Variants in CDK15 observed in about 807,000 individuals in gnomAD.
CDK15 encodes cyclin-dependent kinase 15.
CDK15 carries 62 observed loss-of-function variants against 60.3 expected under a neutral mutation model. The ratio of observed to expected loss-of-function variants is 1.03; its 90% CI spans 0.84 to 1.27. The LOEUF (loss-of-function observed/expected upper bound fraction) is 1.27, where lower values mean the gene tolerates loss of function less well. Ranked by LOEUF, CDK15 falls within the 50% of genes most tolerant of loss-of-function variation. The pLI is 0.00. For missense variants in CDK15, 541 were observed against 527.8 expected (o/e 1.03, Z -0.25); for synonymous variants, 194 against 195.7 (o/e 0.99, Z 0.07).
chr2:201,834,407 C>T (rs1446956577), intron 7 of CDK15, among the ~76,000 whole-genome samples: 2 of 152,166 alleles, frequency 1.3e-5, no homozygotes, highest in East Asian at 3.8e-4. Flanking sequence ...TGCTCTCCTA[C>T]CTTCTTTATA....
chr2:201,835,952 A>T (rs1205220808), intron 8 of CDK15, among the ~76,000 whole-genome samples, 189 bp downstream of exon 8: 2 of 101,212 alleles, frequency 2.0e-5, no homozygotes, highest in East Asian at 1.0e-3. Flanking sequence ...ATATTTATAT[A>T]TATTTGTATA....
At chr2:201,839,368 T>G (rs1285131877) in intron 8 of CDK15, among the ~76,000 whole-genome samples, 1 of 152,294 alleles carries the variant, frequency 6.6e-6, no homozygotes, top group Admixed American at 6.5e-5. Flanking sequence ...ACTGAGGAAC[T>G]GTTCCAGATT....
At chr2:201,891,574 T>TC (rs1013960520) in intron 13 of CDK15, among the ~76,000 whole-genome samples, 5 of 151,966 alleles carry the variant, frequency 3.3e-5, no homozygotes, top group African/African-American at 4.8e-5. Context: ...TCCAGGGTAA[T>TC]CTTGAGGAGG....
intron 8 of CDK15, among the ~76,000 whole-genome samples, chr2:201,838,087 A>T (rs1208206978): frequency 6.6e-6 from 1 of 152,194 alleles, no homozygotes; most frequent in East Asian, 1.9e-4. Flanking sequence ...TCACAGAGTG[A>T]AACTTCTACC....
chr2:201,839,172 G>A (rs1041696581), intron 8 of CDK15, among the ~76,000 whole-genome samples: 3 of 151,984 alleles, frequency 2.0e-5, no homozygotes, highest in Admixed American at 2.0e-4. Context: ...TTTATTTTCT[G>A]TTAGTGAATA....
intron 1 of CDK15, among the ~76,000 whole-genome samples, 200 bp downstream of exon 1, chr2:201,806,987 C>A (rs1325141380): frequency 6.6e-6 from 1 of 151,940 alleles, no homozygotes; most frequent in African/African-American, 2.4e-5. Context: ...AAAAATAATC[C>A]TTGGCTTTGG....
intron 8 of CDK15, among the ~76,000 whole-genome samples, chr2:201,844,661 A>G (rs567780132): frequency 6.6e-5 from 10 of 152,322 alleles, no homozygotes; most frequent in African/African-American, 2.4e-4. Flanking sequence ...ATCAGTAGAA[A>G]AGAAAAAATA....
chr2:201,809,776 C>T (rs1175893453), intron 3 of CDK15, among the ~76,000 whole-genome samples: 1 of 152,148 alleles, frequency 6.6e-6, no homozygotes, highest in Non-Finnish European at 1.5e-5. Flanking sequence ...ATCTCCTTCC[C>T]CTCTCCTGCT....
chr2:201,860,820 T>A (rs771131801), intron 10 of CDK15: 1 of 1,352,192 alleles, frequency 7.4e-7, no homozygotes, highest in Non-Finnish European at 9.8e-7. Context: ...GTTCTAGGAA[T>A]GTCTCATTTT....
chr2:201,889,611 TAAC>T (rs1699573001), intron 12 of CDK15, among the ~76,000 whole-genome samples: 1 of 152,174 alleles, frequency 6.6e-6, no homozygotes, highest in Non-Finnish European at 1.5e-5. Context: ...AGCAAGCACT[TAAC>T]AAACACAGGC....
chr2:201,887,476 T>C (rs1699492707), intron 12 of CDK15, among the ~76,000 whole-genome samples: 1 of 152,214 alleles, frequency 6.6e-6, no homozygotes, highest in Non-Finnish European at 1.5e-5. Flanking sequence ...AGCTGTGGAT[T>C]GAGAGTCAAA....
At chr2:201,837,327 G>A (rs1697144273) in intron 8 of CDK15, among the ~76,000 whole-genome samples, 1 of 135,454 alleles carries the variant, frequency 7.4e-6, no homozygotes, top group African/African-American at 2.7e-5. Context: ...GAGAGAGAAA[G>A]AAAGGAAAAG....
intron 4 of CDK15, among the ~76,000 whole-genome samples, chr2:201,814,600 TGAG>T (rs1695913228): frequency 6.6e-6 from 1 of 152,100 alleles, no homozygotes; most frequent in South Asian, 2.1e-4. Flanking sequence ...GGAGGTTAAA[TGAG>T]AAGGGCTGGA....
chr2:201,865,641 G>A (rs951673440), intron 10 of CDK15, among the ~76,000 whole-genome samples: 22 of 152,078 alleles, frequency 1.4e-4, no homozygotes, highest in African/African-American at 5.3e-4. Context: ...TTTAATCCCA[G>A]CATTTTGGGA....
In CDK15 at chr2:201,846,348, C is replaced by T. The variant is rs182296385; in HGVS notation, c.852-1033C>T. On this transcript the variant is annotated intron_variant, in intron 8 of 13. Transcript: ENST00000652192. ...TTTCTACTAAAAATACAAAAATTAG[C>T]CAGGCATGGTGGCAGGTGCCTGTAA... 1.1e-3 allele frequency among the ~76,000 whole-genome samples: 165 copies of T among 152,080 alleles called. 1 individual carries two copies. The highest frequency in any genetic ancestry group is 3.9e-3 in the African/African-American group (160 of 41,490).
chr2:201,840,140 A>C (rs2105759083), intron 8 of CDK15, among the ~76,000 whole-genome samples: 1 of 151,998 alleles, frequency 6.6e-6, no homozygotes, highest in East Asian at 1.9e-4. Flanking sequence ...GCACACCATC[A>C]CACCCGGCTA....
At chr2:201,876,793 A>T (rs1699096060) in intron 11 of CDK15, among the ~76,000 whole-genome samples, 1 of 151,540 alleles carries the variant, frequency 6.6e-6, no homozygotes, top group South Asian at 2.1e-4. Context: ...AAAAACAAAA[A>T]CCTGTTCTTA....
At chr2:201,852,016 G>T (rs10804124) in intron 9 of CDK15, among the ~76,000 whole-genome samples, 91,957 of 151,982 alleles carry the variant, frequency 0.61, 30,759 homozygotes, top group South Asian at 0.8. Context: ...ATATATTTTT[G>T]ATATTAACCC....
Position 201,882,661 on chromosome 2 carries a change from G to C in CDK15, c.1198+2494G>C, listed in dbSNP as rs1314535302. Among the ~76,000 whole-genome samples, 1 of 143,572 alleles carries C rather than the reference G, an allele frequency of 7.0e-6. No homozygotes were observed. Among genetic ancestry groups the C allele is most frequent in the Non-Finnish European group, 1.6e-5 (1 of 63,810 alleles). The allele number at this position is 143,572 out of a possible 152,430, so 94.2% of individuals were successfully genotyped here. A position where few individuals can be genotyped will look rare whatever the true frequency, so the allele number is the denominator to read the frequency against. ...TGTGTGCTTCTGTGTGTGTGTGCTC[G>C]TGCACATGAGTGCACGAGCATGTGT... On this transcript the variant is annotated intron_variant, in intron 12 of 13. Coordinates refer to ENST00000652192, the MANE Select transcript of CDK15 (RefSeq NM_001366386.2). This position sits in a 1 kb window ranked among gnomAD's most constrained non-coding sequence, Gnocchi z 4.0.
Sources: gnomAD v4.1 joint callset for allele counts (sites outside exome capture counted in the v4.1 genomes callset) on GRCh38, gnomAD v4.1.1 for gene constraint, Gnocchi (gnomAD v3.1) non-coding constraint, MANE v1.5 for transcripts, NCBI Gene and HGNC (gene_info 2026-07-23, HGNC 2026-07-21) for gene names.